SBNO2: variants seen among roughly 807,000 people sequenced by gnomAD.
SBNO2 encodes the protein protein strawberry notch homolog 2.
In SBNO2, 89 loss-of-function variants were observed where a neutral mutation model predicts 146.3. That is an observed-to-expected ratio of 0.61 (90% confidence interval 0.51 to 0.73). The LOEUF is 0.73. SBNO2 is among the 30% of genes least tolerant of loss of function. The probability of loss-of-function intolerance (pLI) is 0.00; values close to 1 mark genes in which losing one functional copy is unlikely to be tolerated. For missense variants in SBNO2, 2,092 were observed against 2,003.7 expected, an observed-to-expected ratio of 1.04 and a Z score of -0.84; for synonymous variants, 1,147 against 892.6, an observed-to-expected ratio of 1.29 and a Z score of -5.08.
chr19:1,123,903 G>C (rs1232801990), intron 6 of SBNO2, 39 bp downstream of exon 6: 5 of 1,583,624 alleles, frequency 3.2e-6, no homozygotes, highest in South Asian at 1.1e-5. Flanking sequence ...GGTCCCATGA[G>C]AGGGCAGGGG....
chr19:1,112,450 T>A lies in SBNO2; in HGVS notation c.2467A>T (p.Met823Leu), dbSNP rs1001887945. 1 of 1,607,688 alleles carries A rather than the reference T, an allele frequency of 6.2e-7. No homozygotes were observed. The highest frequency in any genetic ancestry group is 1.7e-5 in the Admixed American group (1 of 59,790). Residue 823 changes from methionine (M) to leucine (L), a missense_variant, in exon 21 of 32, where the codon ATG becomes TTG. Physicochemically the swap from Met to Leu is conservative, Grantham distance 15. Coordinates refer to ENST00000361757, the MANE Select transcript of SBNO2 (RefSeq NM_014963.3). The surrounding 1 kb of genome is among the most constrained non-coding windows in gnomAD (Gnocchi z 5.9). Reference sequence around the variant, plus strand: ...GCGCTCCACGGCAGCTCCAAGGTCATGTGCACGCGGCGCCGCTGGTTCTGG... The same window carrying A: ...GCGCTCCACGGCAGCTCCAAGGTCAAGTGCACGCGGCGCCGCTGGTTCTGG... ...RVQNQRRRVH[M>L]TLELPWSADR...
At chr19:1,141,911 C>G (rs2080140945) in intron 4 of SBNO2, among the ~76,000 whole-genome samples, 1 of 152,094 alleles carries the variant, frequency 6.6e-6, no homozygotes, top group Admixed American at 6.5e-5. Flanking sequence ...GCGTGAGCCA[C>G]CGTGCCCAGT....
At chr19:1,168,103 T>C (rs1257188515) in intron 1 of SBNO2, among the ~76,000 whole-genome samples, 1 of 152,066 alleles carries the variant, frequency 6.6e-6, no homozygotes, top group Admixed American at 6.5e-5. Context: ...CATCTGGTTT[T>C]TCAAGAGAAG....
intron 1 of SBNO2, among the ~76,000 whole-genome samples, chr19:1,165,757 C>T (rs112683887): frequency 1.7e-5 from 1 of 58,266 alleles, no homozygotes; most frequent in East Asian, 4.6e-4. Context: ...ATCTCAGACC[C>T]CAGACCCCAG....
rs201633137 is a variant in SBNO2 at position 1,143,574 on chromosome 19, T to TC, written c.279+3734dup. On this transcript the variant is annotated intron_variant, in intron 4 of 31. Coordinates refer to ENST00000361757, the MANE Select transcript of SBNO2 (RefSeq NM_014963.3). ...ATCAAGGGTGGGCAGGGCAGGTCCC[T>TC]CCCGGGGGCTCCAGGGGAAAACCCA... 5.0e-3 allele frequency among the ~76,000 whole-genome samples: 768 copies of TC among 152,308 alleles called. 10 individuals are homozygous for TC. Among genetic ancestry groups the TC allele is most frequent in the African/African-American group, 0.017 (705 of 41,564 alleles).
chr19:1,120,084 T>C, intron 11 of SBNO2, 61 bp from the exon 12 acceptor site: 1 of 1,383,742 alleles, frequency 7.2e-7, no homozygotes, highest in Middle Eastern at 1.8e-4. Flanking sequence ...GGAGCCCAGG[T>C]CCTGACCACC....
Position 1,111,578 on chromosome 19 carries a change from T to A in SBNO2, c.2737A>T (p.Ile913Phe). Residue 913 changes from isoleucine (I) to phenylalanine (F), a missense_variant, in exon 24 of 32, where the codon ATC (isoleucine) becomes TTC (phenylalanine). Coordinates refer to ENST00000361757, the MANE Select transcript of SBNO2 (RefSeq NM_014963.3). The part of the protein sequence containing the change: ...TRALHCVLTT[I>F]LSQTENKVPV... The stretch of plus-strand genomic sequence containing the variant: ...ACTTTGTTCTCAGTCTGGCTCAGGA[T>A]GGTGGTGAGGACACAGTGCAGGGCC... The A allele has an allele frequency of 6.3e-7, 1 of 1,596,608 alleles. No individual in the cohort carries two copies.
chr19:1,122,403 G>T, intron 10 of SBNO2, 65 bp downstream of exon 10: 1 of 1,525,800 alleles, frequency 6.6e-7, no homozygotes, highest in Non-Finnish European at 8.8e-7. Context: ...ACCCAGCTGA[G>T]CAGCCCCCAC....
chr19:1,115,844 C>T (rs1294229353), intron 17 of SBNO2, 177 bp downstream of exon 17: 5 of 642,370 alleles, frequency 7.8e-6, no homozygotes, highest in Non-Finnish European at 8.5e-6. Context: ...CGTTCCATGG[C>T]AGGGTCCACG....
At chr19:1,143,136 CG>C in intron 4 of SBNO2, among the ~76,000 whole-genome samples, 1 of 152,290 alleles carries the variant, frequency 6.6e-6, no homozygotes, top group African/African-American at 2.4e-5. Flanking sequence ...TGGCTTTGAA[CG>C]GTGCCTCCGT....
intron 4 of SBNO2, among the ~76,000 whole-genome samples, chr19:1,131,428 C>T (rs1163557480): frequency 3.2e-5 from 2 of 63,438 alleles, no homozygotes; most frequent in African/African-American, 7.2e-5. Context: ...GCTGGGAGGA[C>T]CTGGCTGGGA....
chr19:1,132,350 A>T (rs920621283), intron 4 of SBNO2: 2 of 1,236,282 alleles, frequency 1.6e-6, no homozygotes, highest in Non-Finnish European at 2.1e-6. Context: ...CGGCCCCGTA[A>T]GTCAGGGCAA....
At chr19:1,111,141 C>T (rs766999204) in intron 24 of SBNO2, 48 bp from the exon 25 acceptor site, 8 of 1,520,104 alleles carry the variant, frequency 5.3e-6, no homozygotes, top group Non-Finnish European at 7.1e-6. Context: ...CCCTGCCCCT[C>T]CCTCGAAGCC....
intron 4 of SBNO2, among the ~76,000 whole-genome samples, chr19:1,143,381 G>A (rs1367474710): frequency 6.6e-6 from 1 of 152,116 alleles, no homozygotes; most frequent in African/African-American, 2.4e-5. Context: ...GGAAGCTGAG[G>A]TGGGAGCTTG....
Position 1,108,119 on chromosome 19 carries a change from CCT to C in SBNO2, c.*99_*100del. On this transcript the variant is annotated 3_prime_UTR_variant, in exon 32 of 32. Coordinates refer to ENST00000361757, the MANE Select transcript of SBNO2 (RefSeq NM_014963.3). ...GGCACTGCGGCCAGGGCCTAGGGCT[CCT>C]CTGAGCAGTGGTCAGGGGACCTTGG... is the stretch of plus-strand genomic sequence containing the variant. 7.7e-7 allele frequency: 1 copy of C among 1,292,320 alleles called. No homozygotes were observed. Among genetic ancestry groups the C allele is most frequent in the Non-Finnish European group, 1.0e-6 (1 of 988,164 alleles). The allele number at this position is 1,292,320 out of a possible 1,614,324, so 80.1% of individuals were successfully genotyped here. A position where few individuals can be genotyped will look rare whatever the true frequency, so the allele number is the denominator to read the frequency against.
chr19:1,116,075 G>A lies in SBNO2; in HGVS notation c.1831C>T (p.His611Tyr). The A allele has an allele frequency of 6.2e-7, 1 of 1,611,384 alleles. No homozygotes were observed. Among genetic ancestry groups the A allele is most frequent in the South Asian group, 1.1e-5 (1 of 91,024 alleles). Residue 611 changes from histidine to tyrosine, a missense_variant, in exon 17 of 32, where the codon CAC becomes TAC. Physicochemically the swap from His to Tyr is moderately conservative, Grantham distance 83. Transcript: ENST00000361757. ...EGVFLSLIQK[H>Y]FPSTKRKRDR... ...CGCTTTCTCTTGGTGGACGGAAAGTGCTTCTGAATTAGCGACAGGAACACG... is the reference window on the plus strand; with the variant it reads ...CGCTTTCTCTTGGTGGACGGAAAGTACTTCTGAATTAGCGACAGGAACACG...
chr19:1,123,523 G>C lies in SBNO2; in HGVS notation c.628+11C>G, dbSNP rs76541320. 2 of 1,610,414 alleles carry C rather than the reference G, an allele frequency of 1.2e-6. No homozygotes were observed. The highest frequency in any genetic ancestry group is 1.3e-5 in the African/African-American group (1 of 74,804). ...ACCTGTCCCAGGGCTGGGTGCAGCC[G>C]GGCCACTCACACTTGGACGGCACGT... On this transcript the variant is annotated intron_variant, in intron 7 of 31. Transcript: ENST00000361757.
At chr19:1,134,939 G>A (rs1347530770) in intron 4 of SBNO2, among the ~76,000 whole-genome samples, 4 of 151,490 alleles carry the variant, frequency 2.6e-5, no homozygotes, top group African/African-American at 4.9e-5. Context: ...CCAGCTACTC[G>A]GGAGGCTGAG....
chr19:1,128,121 AGAGT>A (rs2079987883), intron 4 of SBNO2: 1 of 505,708 alleles, frequency 2.0e-6, no homozygotes, highest in Non-Finnish European at 3.8e-6. Context: ...ACAGAGCGAG[AGAGT>A]GAGACTCCGT....
Sources: gnomAD v4.1 joint callset for allele counts (sites outside exome capture counted in the v4.1 genomes callset) on GRCh38, gnomAD v4.1.1 for gene constraint, Gnocchi (gnomAD v3.1) non-coding constraint, MANE v1.5 for transcripts, NCBI Gene and HGNC (gene_info 2026-07-23, HGNC 2026-07-21) for gene names.